The following PCSK4 variants were observed in gnomAD, a reference collection of about 807,000 sequenced individuals.
PCSK4 encodes the protein proprotein convertase subtilisin/kexin type 4.
PCSK4 carries 64 observed loss-of-function variants against 80.3 expected under a neutral mutation model. The observed-to-expected ratio is 0.80, with a 90% CI of 0.65 to 0.98. The LOEUF is 0.98. Among genes scored for constraint, PCSK4 ranks in the 50% least tolerant of loss-of-function variants. The probability of loss-of-function intolerance (pLI) is 0.00; values close to 1 mark genes in which losing one functional copy is unlikely to be tolerated. For missense variants in PCSK4, 1,213 were observed against 1,093.6 expected (o/e 1.11, Z -1.54); for synonymous variants, 561 against 487.6 (o/e 1.15, Z -1.98).
chr19:1,482,486 G>A lies in PCSK4; in HGVS notation c.1697-11C>T. ...AGCGGTACAACGTCCCTGGACAGGGGTCGCGGGTGGGCACAGGAGGAAAAG... is the reference window on the plus strand; with the variant it reads ...AGCGGTACAACGTCCCTGGACAGGGATCGCGGGTGGGCACAGGAGGAAAAG... On this transcript the variant is annotated splice_polypyrimidine_tract_variant and intron_variant, in intron 13 of 14. Coordinates refer to ENST00000300954, the Ensembl canonical transcript of PCSK4. 1 of 1,597,050 alleles carries A rather than the reference G, an allele frequency of 6.3e-7. No individual in the cohort carries two copies.
chr19:1,483,764 C>T, exon 11 of PCSK4: 11 of 1,584,626 alleles, frequency 6.9e-6, no homozygotes, highest in Middle Eastern at 1.9e-4. Context: ...GTAGTGATGG[C>T]TCACTGCGCG....
At chr19:1,481,951 G>T in exon 15 of PCSK4, 1 of 1,596,038 alleles carries the variant, frequency 6.3e-7, no homozygotes, top group Admixed American at 1.7e-5. Flanking sequence ...TAAGCCGGGG[G>T]CGGCTGTCGG....
At chr19:1,483,124 G>A (rs564794032) in intron 12 of PCSK4, 104 bp from the exon 13 acceptor site, 1 of 1,274,144 alleles carries the variant, frequency 7.8e-7, no homozygotes, top group Non-Finnish European at 1.1e-6. Context: ...GTGGCCGCGT[G>A]TCCTCTGGGT....
chr19:1,481,981 G>A, exon 15 of PCSK4: 1 of 1,595,950 alleles, frequency 6.3e-7, no homozygotes, highest in Non-Finnish European at 8.5e-7. Context: ...GTCCCATGCA[G>A]GAGCCCTGCT....
intron 12 of PCSK4, 56 bp from the exon 13 acceptor site, chr19:1,483,076 C>G: frequency 6.9e-7 from 1 of 1,457,264 alleles, no homozygotes; most frequent in South Asian, 1.4e-5. Context: ...CTTTGTGAAG[C>G]CGGCAGAGCC....
At chr19:1,485,423 A>G (rs2084550922) in intron 8 of PCSK4, among the ~76,000 whole-genome samples, 1 of 151,860 alleles carries the variant, frequency 6.6e-6, no homozygotes, top group African/African-American at 2.4e-5. Flanking sequence ...AGAAATTAGC[A>G]GGACATGGTG....
At chr19:1,482,251 G>A (rs1377213283) in intron 14 of PCSK4, 44 bp from the exon 15 acceptor site, 16 of 1,523,514 alleles carry the variant, frequency 1.1e-5, no homozygotes, top group South Asian at 6.0e-5. Flanking sequence ...CTTGCCACCC[G>A]CAGCCTGTTA....
chr19:1,483,255 C>A, intron 12 of PCSK4, 29 bp downstream of exon 12: 9 of 1,521,854 alleles, frequency 5.9e-6, no homozygotes, highest in Non-Finnish European at 7.9e-6. Context: ...GGGCATGAGG[C>A]CGCCCCCTCT....
rs776981463 is a variant in PCSK4 at position 1,483,272 on chromosome 19, C to G, written c.1571+12G>C. ...GCATGAGGCCGCCCCCTCTCCTCTG[C>G]GGGCCGCTCACCGTATGGCCACGAG... On this transcript the variant is annotated intron_variant, in intron 12 of 14. Coordinates refer to ENST00000300954, the Ensembl canonical transcript of PCSK4. 6.4e-7 allele frequency: 1 copy of G among 1,561,298 alleles called. No individual in the cohort carries two copies. The highest frequency in any genetic ancestry group is 1.2e-5 in the South Asian group (1 of 85,926).
chr19:1,482,638 C>G (rs969805073), intron 13 of PCSK4, 163 bp from the exon 14 acceptor site: 2 of 911,778 alleles, frequency 2.2e-6, no homozygotes, highest in South Asian at 1.7e-5. Context: ...CACTGGACAC[C>G]GACATCTCCC....
In PCSK4 at chr19:1,483,771, C is replaced by T. The variant is rs1229815680; in HGVS notation, c.1274-4G>A. The T allele has an allele frequency of 6.3e-6, 10 of 1,577,046 alleles. No individual in the cohort carries two copies. The Admixed American group carries it at 8.6e-5, about 14-fold the overall frequency. On this transcript the variant is annotated splice_region_variant and splice_polypyrimidine_tract_variant and intron_variant, in intron 10 of 14. Transcript: ENST00000300954. ...CCGTATCCGTAGTGATGGCTCACTG[C>T]GCGGAAGGGCAGCAGTCACTCGCCC...
chr19:1,482,150 C>T (rs574386951), exon 15 of PCSK4: 22 of 1,559,250 alleles, frequency 1.4e-5, no homozygotes, highest in South Asian at 1.3e-4. Context: ...GTTGAAGAAC[C>T]GCGGGGGGCA....
chr19:1,484,972 C>G (rs112186272), intron 8 of PCSK4, among the ~76,000 whole-genome samples: 1 of 151,890 alleles, frequency 6.6e-6, no homozygotes. Flanking sequence ...ATGGTGAAAC[C>G]CCGTCTCTAC....
At chr19:1,484,158 G>T (rs1395296398) in intron 8 of PCSK4, 31 bp from the exon 9 acceptor site, 3 of 1,243,700 alleles carry the variant, frequency 2.4e-6, no homozygotes, top group Non-Finnish European at 2.3e-6. Context: ...GACTCGGGGG[G>T]CCGTGCACAG....
chr19:1,481,834 G>T, exon 15 of PCSK4: 1 of 1,555,998 alleles, frequency 6.4e-7, no homozygotes, highest in South Asian at 1.2e-5. Context: ...CGTATAGTGG[G>T]AGGTCCATGG....
chr19:1,481,520 G>A, exon 15 of PCSK4: 1 of 410,274 alleles, frequency 2.4e-6, no homozygotes. Flanking sequence ...ACTTTCCCCT[G>A]GCTTTTGGGG....
chr19:1,485,392 C>T (rs2084549544), intron 8 of PCSK4, among the ~76,000 whole-genome samples: 1 of 151,364 alleles, frequency 6.6e-6, no homozygotes, highest in Admixed American at 6.6e-5. Context: ...GGTGAAATGC[C>T]ATCTCTACAA....
chr19:1,481,659 C>T, exon 15 of PCSK4: 1 of 774,454 alleles, frequency 1.3e-6, no homozygotes, highest in Non-Finnish European at 2.0e-6. Context: ...GCGTCGGGTG[C>T]TGGTGCTCGC....
At chr19:1,487,491 C>A (rs1033395144) in intron 6 of PCSK4, 112 bp downstream of exon 6, 2 of 1,059,072 alleles carry the variant, frequency 1.9e-6, no homozygotes, top group South Asian at 2.9e-5. Context: ...GGGGCCCTAG[C>A]ACCACCCAGC....
Sources: gnomAD v4.1 joint callset for allele counts (sites outside exome capture counted in the v4.1 genomes callset) on GRCh38, gnomAD v4.1.1 for gene constraint, MANE v1.5 for transcripts, NCBI Gene and HGNC (gene_info 2026-07-23, HGNC 2026-07-21) for gene names.